FLACC1: variants seen among roughly 807,000 people sequenced by gnomAD.
FLACC1 encodes the protein flagellum associated containing coiled-coil domains 1.
FLACC1 carries 66 observed loss-of-function variants against 62.8 expected under a neutral mutation model. The ratio of observed to expected loss-of-function variants is 1.05; its 90% confidence interval spans 0.86 to 1.29. The LOEUF (loss-of-function observed/expected upper bound fraction) is 1.29, where lower values mean the gene tolerates loss of function less well. FLACC1 is among the 50% of genes most tolerant of loss of function. The pLI, the probability that FLACC1 is intolerant of heterozygous loss-of-function variation, is 0.00. For missense variants in FLACC1, 452 were observed against 489.1 expected, an observed-to-expected ratio of 0.92 and a Z score of 0.71; for synonymous variants, 156 against 161.0, an observed-to-expected ratio of 0.97 and a Z score of 0.24.
chr2:201,325,939 C>T (rs1950492492), intron 9 of FLACC1, among the ~76,000 whole-genome samples: 1 of 152,130 alleles, frequency 6.6e-6, no homozygotes, highest in African/African-American at 2.4e-5. Context: ...AAAATACTAG[C>T]TAACCGACCC....
chr2:201,349,792 C>T (rs1331353266), intron 3 of FLACC1, among the ~76,000 whole-genome samples: 1 of 152,148 alleles, frequency 6.6e-6, no homozygotes, highest in Non-Finnish European at 1.5e-5. Flanking sequence ...GGGAGGGTCG[C>T]CAAGGCTCTG....
At chr2:201,335,791 C>A (rs754421466) in intron 7 of FLACC1, among the ~76,000 whole-genome samples, 3 of 152,066 alleles carry the variant, frequency 2.0e-5, no homozygotes, top group Non-Finnish European at 4.4e-5. Flanking sequence ...AATATTAATT[C>A]TTCCAATCCA....
chr2:201,322,337 A>G (rs1321648918), intron 9 of FLACC1, among the ~76,000 whole-genome samples: 1 of 152,052 alleles, frequency 6.6e-6, no homozygotes, highest in Non-Finnish European at 1.5e-5. Context: ...GGAATGAGAT[A>G]AGCTTTAAGA....
intron 12 of FLACC1, among the ~76,000 whole-genome samples, chr2:201,295,067 C>T (rs530007617): frequency 3.0e-4 from 46 of 152,256 alleles, no homozygotes; most frequent in African/African-American, 1.1e-3. Context: ...GAATCAACAT[C>T]GTGAAAATGG....
At position 201,350,748 on chromosome 2, in the gene FLACC1, T is replaced by A. The variant is rs758677935; in HGVS notation, c.148A>T (p.Asn50Tyr). The A allele has an allele frequency of 6.2e-7, 1 of 1,613,696 alleles. No homozygotes were observed. The highest frequency in any genetic ancestry group is 8.5e-7 in the Non-Finnish European group (1 of 1,179,656). ...ACAGGTTTTGTTGGTTGGAGGTAATTGTGATTTTTTGGAGCTGGTACAAGA... is the reference window on the plus strand; with the variant it reads ...ACAGGTTTTGTTGGTTGGAGGTAATAGTGATTTTTTGGAGCTGGTACAAGA... ...TPLVPAPKNH[N>Y]YLQPTKPVVS... is the part of the protein sequence containing the mutation. The change falls in exon 3 of 15, where the codon AAT becomes TAT. Residue 50 changes from asparagine (N) to tyrosine (Y), a missense_variant. Transcript: ENST00000392257.
At chr2:201,294,366 C>T (rs1427154666) in intron 12 of FLACC1, among the ~76,000 whole-genome samples, 1 of 152,158 alleles carries the variant, frequency 6.6e-6, no homozygotes, top group South Asian at 2.1e-4. Context: ...GCTGGTTCAA[C>T]ATACGCAAAT....
intron 12 of FLACC1, 122 bp downstream of exon 12, chr2:201,299,116 A>G: frequency 2.2e-6 from 2 of 928,298 alleles, no homozygotes; most frequent in South Asian, 3.3e-5. Flanking sequence ...ACTCAGCTTT[A>G]GGTCTTCCAT....
rs201425829 is a variant in FLACC1 at position 201,327,290 on chromosome 2, CA to C, written c.675+3179del. On this transcript the variant is annotated intron_variant, in intron 9 of 14. Transcript: ENST00000392257. ...TAATTCATGACTAAGACCCCAAAAG[CA>C]AATGCAACAAAACCAAAAATAAATA... is the stretch of plus-strand genomic sequence containing the variant. Among the ~76,000 whole-genome samples, 843 of 152,130 alleles carry C rather than the reference CA, an allele frequency of 5.5e-3. 13 individuals carry two copies. The highest frequency in any genetic ancestry group is 0.019 in the African/African-American group (808 of 41,516).
intron 9 of FLACC1, among the ~76,000 whole-genome samples, chr2:201,320,797 G>A (rs1950389213): frequency 6.6e-6 from 1 of 152,160 alleles, no homozygotes; most frequent in Non-Finnish European, 1.5e-5. Flanking sequence ...GGGCTATATA[G>A]CCCCACTCAT....
chr2:201,338,664 G>A (rs1950744116), intron 7 of FLACC1, among the ~76,000 whole-genome samples: 1 of 152,136 alleles, frequency 6.6e-6, no homozygotes, highest in Non-Finnish European at 1.5e-5. Context: ...CTATTGGGAT[G>A]ATCACATGAT....
intron 9 of FLACC1, among the ~76,000 whole-genome samples, chr2:201,319,975 A>G (rs1304748135): frequency 7.9e-5 from 12 of 152,216 alleles, no homozygotes; most frequent in African/African-American, 2.9e-4. Context: ...CTCACCCTAC[A>G]TTACTCCTGG....
intron 11 of FLACC1, among the ~76,000 whole-genome samples, chr2:201,304,131 A>T (rs1950050826): frequency 6.6e-6 from 1 of 152,252 alleles, no homozygotes; most frequent in Non-Finnish European, 1.5e-5. Flanking sequence ...GAAAAGAGGA[A>T]GTCAAATTGT....
chr2:201,359,928 CCTTT>C (rs1294146196), upstream of FLACC1, among the ~76,000 whole-genome samples: 1 of 138,444 alleles, frequency 7.2e-6, no homozygotes, highest in Non-Finnish European at 1.6e-5. Context: ...ATATTTAAAT[CCTTT>C]CTTATGATTA....
intron 12 of FLACC1, 87 bp from the exon 13 acceptor site, chr2:201,289,872 G>A: frequency 1.2e-6 from 2 of 1,604,142 alleles, no homozygotes; most frequent in South Asian, 1.1e-5. Context: ...ATGATGAAAG[G>A]GAGCAACCTG....
chr2:201,313,616 T>C (rs1228996790), intron 9 of FLACC1, among the ~76,000 whole-genome samples: 2 of 152,106 alleles, frequency 1.3e-5, no homozygotes, highest in African/African-American at 4.8e-5. Context: ...CTGATGGTCC[T>C]TTCCTACTCA....
Position 201,289,556 on chromosome 2 carries a change from A to C in FLACC1, c.1043T>G (p.Val348Gly). The C allele has an allele frequency of 6.2e-7, 1 of 1,614,128 alleles. No homozygotes were observed. The highest frequency in any genetic ancestry group is 8.5e-7 in the Non-Finnish European group (1 of 1,180,002). The change falls in exon 14 of 15, where the codon GTG becomes GGG. Residue 348 changes from valine to glycine, a missense_variant. This residue lies in a region of FLACC1 where 301 missense variants were observed against 318.4 expected (regional missense o/e 0.95). Coordinates refer to ENST00000392257, the MANE Select transcript of FLACC1 (RefSeq NM_001127391.3). ...QLELQKEKAI[V>G]GNLEKMLQTK... ...TTGAAGCATTTTCTCCAGATTTCCC[A>C]CTATAGCTTTCTGAAAGACATACAT...
At chr2:201,322,715 C>T (rs1449340073) in intron 9 of FLACC1, among the ~76,000 whole-genome samples, 1 of 152,060 alleles carries the variant, frequency 6.6e-6, no homozygotes, top group Non-Finnish European at 1.5e-5. Context: ...ATAACACTAG[C>T]TCTCCAGCAA....
At chr2:201,324,477 T>C (rs1335040714) in intron 9 of FLACC1, among the ~76,000 whole-genome samples, 3 of 152,044 alleles carry the variant, frequency 2.0e-5, no homozygotes, top group Non-Finnish European at 4.4e-5. Context: ...AGAGAAAAAA[T>C]GGACTTAAAT....
intron 12 of FLACC1, 28 bp downstream of exon 12, chr2:201,299,210 G>A (rs1949926853): frequency 6.3e-7 from 1 of 1,599,060 alleles, no homozygotes; most frequent in East Asian, 2.2e-5. Context: ...AATATACCAA[G>A]TCCACAGGAA....
Sources: gnomAD v4.1 joint callset for allele counts (sites outside exome capture counted in the v4.1 genomes callset) on GRCh38, gnomAD v4.1.1 for gene constraint, gnomAD v4.1.1 regional missense constraint, MANE v1.5 for transcripts, NCBI Gene and HGNC (gene_info 2026-07-23, HGNC 2026-07-21) for gene names.